Variants in CDKAL1 observed in about 807,000 individuals in gnomAD.
CDKAL1 encodes threonylcarbamoyladenosine tRNA methylthiotransferase.
In CDKAL1, 32 loss-of-function variants were observed where a neutral mutation model predicts 68.2. The observed-to-expected ratio is 0.47, with a 90% confidence interval of 0.35 to 0.63. The LOEUF (loss-of-function observed/expected upper bound fraction) is 0.63. Among genes scored for constraint, CDKAL1 ranks in the 30% least tolerant of loss-of-function variants. The pLI, the probability that CDKAL1 is intolerant of heterozygous loss-of-function variation, is 0.00. For synonymous variants in CDKAL1, 234 were observed against 244.3 expected (o/e 0.96, Z 0.39); for missense variants, 606 against 696.7 (o/e 0.87, Z 1.47).
chr6:20,543,903 A>G (rs1002637159), intron 2 of CDKAL1, among the ~76,000 whole-genome samples: 1 of 151,404 alleles, frequency 6.6e-6, no homozygotes, highest in Admixed American at 6.6e-5. Flanking sequence ...CACTCAGCTA[A>G]TTTTTTGTAT....
intron 4 of CDKAL1, among the ~76,000 whole-genome samples, chr6:20,577,577 G>A (rs1393100376): frequency 6.6e-6 from 1 of 152,190 alleles, no homozygotes; most frequent in Non-Finnish European, 1.5e-5. Flanking sequence ...TGGAATAGGT[G>A]CTCAGTAAGT....
intron 4 of CDKAL1, among the ~76,000 whole-genome samples, chr6:20,592,797 C>T (rs915478364): frequency 2.0e-5 from 3 of 152,122 alleles, no homozygotes; most frequent in African/African-American, 4.8e-5. Flanking sequence ...TTGGTATTGG[C>T]TATGGATTTG....
At chr6:20,610,583 A>G (rs542903636) in intron 4 of CDKAL1, among the ~76,000 whole-genome samples, 3 of 152,008 alleles carry the variant, frequency 2.0e-5, no homozygotes, top group Non-Finnish European at 4.4e-5. Context: ...CCTCATGCAC[A>G]AACTTACCAT....
At chr6:20,823,976 G>A (rs1777395954) in intron 8 of CDKAL1, among the ~76,000 whole-genome samples, 2 of 152,128 alleles carry the variant, frequency 1.3e-5, no homozygotes, top group Non-Finnish European at 2.9e-5. Context: ...CACCACTGGT[G>A]GATGTTCTTG....
Position 20,568,310 on chromosome 6 carries a change from T to C in CDKAL1, c.286+19605T>C, listed in dbSNP as rs186267527. On this transcript the variant is annotated intron_variant, in intron 4 of 15. Coordinates refer to ENST00000274695, the MANE Select transcript of CDKAL1 (RefSeq NM_017774.3). ...TTGGGATTCCAGGCGTAAGCCACTG[T>C]GCCTGGCCTATTCTTAGCTTTTAAA... 3.6e-3 allele frequency among the ~76,000 whole-genome samples: 543 copies of C among 152,302 alleles called. 1 individual carries two copies. The highest frequency in any genetic ancestry group is 0.012 in the African/African-American group (506 of 41,578).
At chr6:20,943,339 A>G (rs1055633901) in intron 9 of CDKAL1, among the ~76,000 whole-genome samples, 1 of 78,142 alleles carries the variant, frequency 1.3e-5, no homozygotes, top group Non-Finnish European at 2.7e-5. Flanking sequence ...AAAAAAAAAA[A>G]AAAAAGAAAA....
chr6:21,216,736 C>G (rs1472703225), intron 15 of CDKAL1, among the ~76,000 whole-genome samples: 2 of 152,218 alleles, frequency 1.3e-5, no homozygotes, highest in Non-Finnish European at 2.9e-5. Flanking sequence ...AACCCCCATC[C>G]TGGACCACTT....
At chr6:20,777,593 C>T (rs1282460557) in intron 7 of CDKAL1, among the ~76,000 whole-genome samples, 1 of 152,046 alleles carries the variant, frequency 6.6e-6, no homozygotes, top group East Asian at 1.9e-4. Context: ...CCGGCCTGGG[C>T]GACAGAGTGA....
intron 11 of CDKAL1, among the ~76,000 whole-genome samples, chr6:21,012,037 A>G (rs574300042): frequency 6.6e-6 from 1 of 152,332 alleles, no homozygotes; most frequent in African/African-American, 2.4e-5. Context: ...TGTAGGATTG[A>G]ACTTTCATCT....
intron 2 of CDKAL1, among the ~76,000 whole-genome samples, chr6:20,536,794 G>A (rs1355888568): frequency 1.3e-5 from 2 of 152,126 alleles, no homozygotes; most frequent in African/African-American, 2.4e-5. Flanking sequence ...ACAACAAAGC[G>A]AGACCTTGTT....
At position 20,846,376 on chromosome 6, in the gene CDKAL1, G is replaced by A. The variant is rs183115417; in HGVS notation, c.742+198G>A. Among the ~76,000 whole-genome samples, 24 of 152,094 alleles carry A rather than the reference G, an allele frequency of 1.6e-4. No individual in the cohort carries two copies. In the East Asian group the frequency reaches 4.3e-3, roughly 27 times the overall value. Reference sequence around the variant, plus strand: ...ACATTAATGACTCTTCTTTTACTACGCTTCTGTTTTCTTATCACTCTAAGG... The same window carrying A: ...ACATTAATGACTCTTCTTTTACTACACTTCTGTTTTCTTATCACTCTAAGG... On this transcript the variant is annotated intron_variant, in intron 9 of 15. Transcript: ENST00000274695.
At chr6:20,745,661 T>C (rs1467824610) in intron 6 of CDKAL1, among the ~76,000 whole-genome samples, 3 of 152,260 alleles carry the variant, frequency 2.0e-5, no homozygotes, top group Non-Finnish European at 4.4e-5. Flanking sequence ...AGGAACTAGA[T>C]TGCGTGGGTT....
chr6:20,709,711 G>T (rs1463742038), intron 5 of CDKAL1, among the ~76,000 whole-genome samples: 1 of 152,116 alleles, frequency 6.6e-6, no homozygotes, highest in Non-Finnish European at 1.5e-5. Context: ...TGTCATAAGA[G>T]ACCTAGGTTG....
intron 4 of CDKAL1, among the ~76,000 whole-genome samples, chr6:20,576,908 G>GTA (rs956475661): frequency 7.2e-5 from 11 of 152,082 alleles, no homozygotes; most frequent in Admixed American, 5.2e-4. Context: ...TATGGCACAG[G>GTA]TATATATATA....
chr6:20,887,126 A>G (rs1256664074), intron 9 of CDKAL1, among the ~76,000 whole-genome samples: 1 of 152,182 alleles, frequency 6.6e-6, no homozygotes, highest in Non-Finnish European at 1.5e-5. Context: ...ACAATAAGAT[A>G]CTCCTATACA....
chr6:21,037,023 G>T (rs1769632524), intron 11 of CDKAL1, among the ~76,000 whole-genome samples: 1 of 152,170 alleles, frequency 6.6e-6, no homozygotes, highest in South Asian at 2.1e-4. Flanking sequence ...AAAGTTTGGA[G>T]ATGTATCTTC....
At chr6:21,163,467 C>T (rs1032363921) in intron 13 of CDKAL1, among the ~76,000 whole-genome samples, 1 of 152,150 alleles carries the variant, frequency 6.6e-6, no homozygotes, top group African/African-American at 2.4e-5. Flanking sequence ...TTTCAAGTCA[C>T]CATCTTTTTC....
chr6:21,175,430 A>G (rs1054010105), intron 13 of CDKAL1, among the ~76,000 whole-genome samples: 3 of 152,286 alleles, frequency 2.0e-5, no homozygotes, highest in African/African-American at 7.2e-5. Flanking sequence ...TGAAACAACA[A>G]AGCTCATCTA....
At chr6:21,059,221 G>A (rs971937093) in intron 11 of CDKAL1, among the ~76,000 whole-genome samples, 3 of 152,218 alleles carry the variant, frequency 2.0e-5, no homozygotes, top group Non-Finnish European at 4.4e-5. Flanking sequence ...GCTGCATTGT[G>A]GGGAGTTCCT....
Sources: gnomAD v4.1 joint callset for allele counts (sites outside exome capture counted in the v4.1 genomes callset) on GRCh38, gnomAD v4.1.1 for gene constraint, MANE v1.5 for transcripts, NCBI Gene and HGNC (gene_info 2026-07-23, HGNC 2026-07-21) for gene names.